The following DPP6 variants were observed in gnomAD, a reference collection of about 807,000 sequenced individuals.
DPP6 encodes the protein A-type potassium channel modulatory protein DPP6.
DPP6 carries 69 observed loss-of-function variants against 122.6 expected under a neutral mutation model. The observed-to-expected ratio is 0.56, with a 90% confidence interval of 0.46 to 0.69. The LOEUF is 0.69. Ranked by LOEUF, DPP6 falls within the 30% of genes least tolerant of loss-of-function variation. The pLI is 0.00. For synonymous variants in DPP6, 418 were observed against 433.1 expected, an observed-to-expected ratio of 0.97 and a Z score of 0.43; for missense variants, 928 against 1,116.9, an observed-to-expected ratio of 0.83 and a Z score of 2.41.
At chr7:154,277,268 T>C (rs759828569) in intron 1 of DPP6, among the ~76,000 whole-genome samples, 4 of 152,138 alleles carry the variant, frequency 2.6e-5, no homozygotes, top group Non-Finnish European at 5.9e-5. Context: ...AAATATTGCA[T>C]CCATGAATAA....
At chr7:153,885,383 G>T (rs1279992434), upstream of DPP6, among the ~76,000 whole-genome samples, 1 of 152,004 alleles carries the variant, frequency 6.6e-6, no homozygotes, top group Admixed American at 6.6e-5. Flanking sequence ...TAACCCCAGG[G>T]TGATGGTGTT....
chr7:153,991,061 G>A (rs1174792147), intron 1 of DPP6, among the ~76,000 whole-genome samples: 1 of 152,186 alleles, frequency 6.6e-6, no homozygotes, highest in East Asian at 1.9e-4. Flanking sequence ...AGTAATAAGG[G>A]CAAGGTGTTT....
intron 5 of DPP6, among the ~76,000 whole-genome samples, chr7:154,575,358 GTGTGTGATGTGTGTGTA>G (rs1399427702): frequency 9.7e-6 from 1 of 103,484 alleles, no homozygotes. Context: ...TGTGTGGTGT[GTGTGTGATGTGTGTGTA>G]TGTGTGTGAT....
At chr7:154,751,553 T>G in intron 8 of DPP6, among the ~76,000 whole-genome samples, 1 of 143,108 alleles carries the variant, frequency 7.0e-6, no homozygotes, top group South Asian at 2.2e-4. Context: ...GAGGTTGCAA[T>G]GAGCTGAGAT....
intron 17 of DPP6, among the ~76,000 whole-genome samples, chr7:154,861,455 T>G (rs1353165128): frequency 4.6e-5 from 7 of 152,192 alleles, no homozygotes; most frequent in Admixed American, 3.9e-4. Context: ...CTTCTTAGCT[T>G]TACATCCTTC....
chr7:154,247,587 A>G (rs1467213947), intron 1 of DPP6, among the ~76,000 whole-genome samples: 1 of 152,140 alleles, frequency 6.6e-6, no homozygotes, highest in Non-Finnish European at 1.5e-5. Context: ...ATAATCAAAA[A>G]GGTTGACAGC....
intron 1 of DPP6, among the ~76,000 whole-genome samples, chr7:154,290,850 C>T (rs1805162817): frequency 6.6e-6 from 1 of 152,124 alleles, no homozygotes; most frequent in Non-Finnish European, 1.5e-5. Context: ...CCCTGTTTGC[C>T]TTCTTACCAG....
intron 1 of DPP6, among the ~76,000 whole-genome samples, chr7:153,897,868 C>G (rs983550181): frequency 1.3e-5 from 2 of 152,172 alleles, no homozygotes; most frequent in African/African-American, 4.8e-5. Context: ...TCTCCACATC[C>G]TCACCAATAA....
At chr7:154,009,912 T>C (rs1444162704) in intron 1 of DPP6, among the ~76,000 whole-genome samples, 1 of 152,052 alleles carries the variant, frequency 6.6e-6, no homozygotes, top group African/African-American at 2.4e-5. Context: ...AGGCATTTCA[T>C]CCAACTTATG....
intron 16 of DPP6, among the ~76,000 whole-genome samples, chr7:154,809,085 T>C (rs1798872881): frequency 6.6e-6 from 1 of 152,172 alleles, no homozygotes. Flanking sequence ...ATTCTTACTA[T>C]AACCAGCAAG....
chr7:154,537,362 C>T (rs1484868849), intron 3 of DPP6, among the ~76,000 whole-genome samples: 1 of 152,116 alleles, frequency 6.6e-6, no homozygotes, highest in East Asian at 1.9e-4. Flanking sequence ...TTTTTACACC[C>T]ACTGTATTGG....
the DPP6 span, among the ~76,000 whole-genome samples, chr7:153,858,328 T>C: frequency 1.5e-3 from 227 of 152,230 alleles, 2 homozygotes; most frequent in African/African-American, 5.3e-3. Context: ...ACCCAGGGGA[T>C]TGGTTCTGCT....
In DPP6 at chr7:154,893,999, C is replaced by T. The variant is rs772928785; in HGVS notation, c.*1519C>T. 1 of 152,220 alleles carries T rather than the reference C, an allele frequency of 6.6e-6. No individual in the cohort carries two copies. Among genetic ancestry groups the T allele is most frequent in the African/African-American group, 2.4e-5 (1 of 41,462 alleles). 9.4% of individuals were successfully genotyped at this position (152,220 alleles called of 1,614,324 possible). On this transcript the variant is annotated 3_prime_UTR_variant, in exon 26 of 26. Transcript: ENST00000377770. Reference sequence around the variant, plus strand: ...GCGTTTGGGGCTTTGGGTTTATCCACATGAGCTCTGAACGTCCGTTATAGT... The same window carrying T: ...GCGTTTGGGGCTTTGGGTTTATCCATATGAGCTCTGAACGTCCGTTATAGT...
chr7:154,012,253 A>G (rs1371438926), intron 1 of DPP6, among the ~76,000 whole-genome samples: 2 of 152,220 alleles, frequency 1.3e-5, no homozygotes, highest in South Asian at 4.1e-4. Context: ...AAAGACACTA[A>G]TGATCAAAGA....
At chr7:154,492,090 G>C (rs1477298710) in intron 3 of DPP6, among the ~76,000 whole-genome samples, 1 of 152,184 alleles carries the variant, frequency 6.6e-6, no homozygotes, top group Non-Finnish European at 1.5e-5. Context: ...GGTGCCTAAA[G>C]CTCTGATTTG....
At chr7:154,614,779 G>C (rs566996439) in intron 5 of DPP6, among the ~76,000 whole-genome samples, 3 of 152,190 alleles carry the variant, frequency 2.0e-5, no homozygotes, top group Non-Finnish European at 4.4e-5. Flanking sequence ...AAGGGAGAAG[G>C]CCTAATTATT....
intron 1 of DPP6, among the ~76,000 whole-genome samples, chr7:153,957,145 T>C (rs1802498872): frequency 1.3e-5 from 2 of 152,176 alleles, no homozygotes; most frequent in African/African-American, 4.8e-5. Flanking sequence ...CATGGAAAGC[T>C]GAAGTAAAAT....
chr7:154,548,340 G>A (rs543875565), intron 4 of DPP6, among the ~76,000 whole-genome samples: 9 of 152,042 alleles, frequency 5.9e-5, no homozygotes, highest in East Asian at 5.8e-4. Flanking sequence ...TGAGGTGGGC[G>A]GATCACAAGG....
intron 1 of DPP6, among the ~76,000 whole-genome samples, chr7:154,158,196 A>C (rs1440906004): frequency 4.0e-5 from 6 of 149,884 alleles, no homozygotes; most frequent in Non-Finnish European, 7.4e-5. Context: ...TTTTGTATAC[A>C]AAGACTGTTA....
Sources: gnomAD v4.1 joint callset for allele counts (sites outside exome capture counted in the v4.1 genomes callset) on GRCh38, gnomAD v4.1.1 for gene constraint, MANE v1.5 for transcripts, NCBI Gene and HGNC (gene_info 2026-07-23, HGNC 2026-07-21) for gene names.